Variants in ZFHX3 observed in about 807,000 individuals in gnomAD.
The protein encoded by ZFHX3 is zinc finger homeobox protein 3.
Under a neutral mutation model 279.1 loss-of-function variants are expected in ZFHX3, and 42 were observed. The observed-to-expected ratio is 0.15, with a 90% CI of 0.12 to 0.19. The LOEUF (loss-of-function observed/expected upper bound fraction) is 0.19, where lower values mean the gene tolerates loss of function less well. ZFHX3 is among the 10% of genes least tolerant of loss of function. The probability of loss-of-function intolerance (pLI) is 1.00; values close to 1 mark genes in which losing one functional copy is unlikely to be tolerated. For missense variants in ZFHX3, 4,981 were observed against 4,754.0 expected (o/e 1.05, Z -1.40); for synonymous variants, 2,293 against 1,957.8 (o/e 1.17, Z -4.52).
intron 1 of ZFHX3, among the ~76,000 whole-genome samples, chr16:73,741,256 A>G (rs1460479068): frequency 6.6e-6 from 1 of 152,134 alleles, no homozygotes; most frequent in Non-Finnish European, 1.5e-5. Context: ...AAGTGACTAC[A>G]TATGGAAATA....
chr16:73,380,159 A>G (rs2016795746), intron 3 of ZFHX3, among the ~76,000 whole-genome samples: 1 of 152,246 alleles, frequency 6.6e-6, no homozygotes, highest in Non-Finnish European at 1.5e-5. Context: ...TATAATGTTA[A>G]AAAGCACAGC....
chr16:73,380,268 G>C (rs1377885567), intron 3 of ZFHX3, among the ~76,000 whole-genome samples: 1 of 152,124 alleles, frequency 6.6e-6, no homozygotes, highest in East Asian at 1.9e-4. Context: ...AGATTTTAAT[G>C]AAAATAAGAG....
chr16:73,748,399 C>G (rs534174836), intron 1 of ZFHX3, among the ~76,000 whole-genome samples: 1 of 152,280 alleles, frequency 6.6e-6, no homozygotes, highest in Non-Finnish European at 1.5e-5. Flanking sequence ...TAATGTTAGT[C>G]CACAATATCA....
chr16:73,408,315 G>A (rs556883528), intron 3 of ZFHX3, among the ~76,000 whole-genome samples: 110 of 152,210 alleles, frequency 7.2e-4, no homozygotes, highest in African/African-American at 2.6e-3. Flanking sequence ...GGTGAACTTG[G>A]GCAGAAGAAA....
In ZFHX3 at chr16:72,959,980, G is replaced by A; in HGVS notation, c.166C>T (p.Pro56Ser). ...CTCTCCGCGAGGCGCTCATTGAAGG[G>A]GGCCCTCAGGCTGTCCAAGGGCCCG... ...SHGPLDSLRA[P>S]FNERLAESTA... The change falls in exon 2 of 10, where the codon CCC (proline) becomes TCC (serine). Residue 56 changes from proline (P) to serine (S), a missense_variant. This residue lies in a region of ZFHX3 where 1,068 missense variants were observed against 935.2 expected (regional missense o/e 1.14). Transcript: ENST00000268489. 1 of 1,612,368 alleles carries A rather than the reference G, an allele frequency of 6.2e-7. No homozygotes were observed.
chr16:73,101,551 T>A (rs74944928), intron 7 of ZFHX3, among the ~76,000 whole-genome samples: 4,108 of 152,028 alleles, frequency 0.027, 99 homozygotes, highest in South Asian at 0.11. Context: ...GCTAATTTTT[T>A]AAATTTTTTT....
chr16:73,099,371 C>T (rs1966203240), intron 7 of ZFHX3: 1 of 152,106 alleles, frequency 6.6e-6, no homozygotes. Flanking sequence ...ATTTTTGTCA[C>T]ACCAGACAGT....
rs201366558 is a variant in ZFHX3 at position 73,296,877 on chromosome 16, A to ATTTTTTTTTTTTTTT, written c.-1194+21348_-1194+21362dup. On this transcript the variant is annotated intron_variant, in intron 4 of 17. Coordinates refer to the ZFHX3 transcript ENST00000641206. ...TTTATAATTGCCATGTGAAGCAGGA[A>ATTTTTTTTTTTTTTT]TTTTTTTTTTTTTTTTTTTGAGACG... Among the ~76,000 whole-genome samples the ATTTTTTTTTTTTTTT allele has an allele frequency of 2.8e-3, 321 of 116,026 alleles. 33 individuals are homozygous for ATTTTTTTTTTTTTTT. The highest frequency in any genetic ancestry group is 0.011 in the African/African-American group (312 of 28,686). The allele number at this position is 116,026 out of a possible 152,430, so 76.1% of individuals were successfully genotyped here. A position where few individuals can be genotyped will look rare whatever the true frequency, so the allele number is the denominator to read the frequency against.
intron 5 of ZFHX3, among the ~76,000 whole-genome samples, chr16:73,245,929 C>A (rs1330054744): frequency 1.3e-5 from 2 of 152,046 alleles, no homozygotes; most frequent in African/African-American, 4.8e-5. Context: ...AGTCCTTGGG[C>A]GTGGACCATG....
At chr16:73,729,546 A>T (rs2053550929) in intron 1 of ZFHX3, among the ~76,000 whole-genome samples, 1 of 40,234 alleles carries the variant, frequency 2.5e-5, no homozygotes, top group African/African-American at 5.6e-5. Context: ...AACAAAAAAC[A>T]AACAAACCAA....
In ZFHX3 at chr16:72,788,017, T is replaced by G. The variant is rs117523752; in HGVS notation, c.10259A>C (p.Lys3420Thr). Residue 3420 changes from lysine to threonine, a missense_variant, in exon 10 of 10, where the codon AAA becomes ACA. Lys to Thr is a moderately conservative substitution (Grantham distance 78). This residue lies in a region of ZFHX3 where 1,034 missense variants were observed against 786.0 expected (regional missense o/e 1.32). Transcript: ENST00000268489. ...PDKDPAKESP[K>T]PEEQKNTPRE... ...GGGGGTGTTTTTCTGTTCTTCTGGT[T>G]TGGGGGATTCTTTGGCAGGGTCTTT... 9.9e-6 allele frequency: 16 copies of G among 1,612,412 alleles called. No individual in the cohort carries two copies. The highest frequency in any genetic ancestry group is 1.2e-5 in the Non-Finnish European group (14 of 1,179,678).
chr16:73,414,725 C>T (rs1337753456), intron 3 of ZFHX3, among the ~76,000 whole-genome samples: 2 of 152,152 alleles, frequency 1.3e-5, no homozygotes, highest in Admixed American at 1.3e-4. Context: ...ATGGTCCCAG[C>T]TGCTTGTGAG....
At chr16:73,696,486 C>T (rs1338054718) in intron 1 of ZFHX3, among the ~76,000 whole-genome samples, 3 of 152,168 alleles carry the variant, frequency 2.0e-5, no homozygotes, top group African/African-American at 7.2e-5. Flanking sequence ...GGTCATGATT[C>T]TGAACCAAAG....
At chr16:73,334,512 G>A (rs1014033583) in intron 3 of ZFHX3, among the ~76,000 whole-genome samples, 5 of 152,138 alleles carry the variant, frequency 3.3e-5, no homozygotes, top group African/African-American at 9.7e-5. Flanking sequence ...GGGGCTCTGT[G>A]CCTTCCCCTG....
chr16:73,584,564 G>C (rs2051903202), intron 2 of ZFHX3, among the ~76,000 whole-genome samples: 1 of 152,134 alleles, frequency 6.6e-6, no homozygotes, highest in African/African-American at 2.4e-5. Context: ...ACCCAAAACA[G>C]CTTGCCAACA....
At chr16:73,651,406 G>A (rs1349644839) in intron 2 of ZFHX3, among the ~76,000 whole-genome samples, 2 of 151,860 alleles carry the variant, frequency 1.3e-5, no homozygotes, top group African/African-American at 4.8e-5. Context: ...CTGTCCACAG[G>A]TTCAGTTTGA....
At chr16:73,532,486 A>C (rs1801841383) in intron 2 of ZFHX3, among the ~76,000 whole-genome samples, 1 of 152,162 alleles carries the variant, frequency 6.6e-6, no homozygotes, top group Non-Finnish European at 1.5e-5. Context: ...AGCAGCGTGA[A>C]AATGGAGTAA....
intron 4 of ZFHX3, among the ~76,000 whole-genome samples, chr16:72,869,304 T>G (rs571628175): frequency 6.6e-6 from 1 of 152,312 alleles, no homozygotes; most frequent in East Asian, 1.9e-4. Context: ...GCCATCATCC[T>G]TCAAGGACCA....
intron 1 of ZFHX3, chr16:73,793,963 C>T (rs933802125): frequency 2.0e-5 from 3 of 151,978 alleles, no homozygotes; most frequent in East Asian, 1.9e-4. Context: ...ATTTATGAGG[C>T]GTGTGGAAAA....
Sources: allele counts gnomAD v4.1 joint callset (sites outside exome capture counted in the v4.1 genomes callset), GRCh38; gene constraint gnomAD v4.1.1; regional missense constraint gnomAD v4.1.1; transcripts MANE v1.5; gene names NCBI Gene and HGNC (gene_info 2026-07-23, HGNC 2026-07-21).